FRS3: variants seen among roughly 807,000 people sequenced by gnomAD.
FRS3 encodes FGFR substrate 3.
Under a neutral mutation model 41.9 loss-of-function variants are expected in FRS3, and 17 were observed. That is an observed-to-expected ratio of 0.41 (90% CI 0.28 to 0.61). The LOEUF is 0.61. FRS3 is among the 20% of genes least tolerant of loss of function. The probability of loss-of-function intolerance (pLI) is 0.36; values close to 1 mark genes in which losing one functional copy is unlikely to be tolerated. For missense variants in FRS3, 619 were observed against 672.1 expected (o/e 0.92, Z 0.87); for synonymous variants, 287 against 274.5 (o/e 1.05, Z -0.45).
Position 41,776,897 on chromosome 6 carries a change from C to T in FRS3, c.66+25G>A, listed in dbSNP as rs200104978. 1.2e-4 allele frequency: 199 copies of T among 1,595,384 alleles called. 2 individuals carry two copies. In the African/African-American group the frequency reaches 2.4e-3, roughly 19 times the overall value. On this transcript the variant is annotated intron_variant, in intron 3 of 6. Transcript: ENST00000373018. ...AGCCCAAGAGGCCATGTTGGGAACACAGGAGAGGAGAGGGCTCTGGGTACC... is the reference window on the plus strand; with the variant it reads ...AGCCCAAGAGGCCATGTTGGGAACATAGGAGAGGAGAGGGCTCTGGGTACC...
At chr6:41,773,948 ATTC>A (rs970461613) in intron 4 of FRS3, among the ~76,000 whole-genome samples, 2 of 151,848 alleles carry the variant, frequency 1.3e-5, no homozygotes, top group African/African-American at 4.8e-5. Context: ...ATGAGTGAAC[ATTC>A]TTCTTTTATT....
intron 2 of FRS3, chr6:41,777,444 C>T (rs1772435539): frequency 6.3e-6 from 1 of 158,370 alleles, no homozygotes; most frequent in Non-Finnish European, 1.4e-5. Context: ...GGGTCTCAGA[C>T]ACTTTGGCCT....
intron 4 of FRS3, among the ~76,000 whole-genome samples, chr6:41,773,485 C>T (rs1006156939): frequency 1.3e-5 from 2 of 152,204 alleles, no homozygotes. Context: ...CCAGCACGCC[C>T]ACACCACATT....
intron 3 of FRS3, chr6:41,776,277 T>A (rs9394830): frequency 0.4 from 61,657 of 152,298 alleles, 13,283 homozygotes; most frequent in East Asian, 0.49. Flanking sequence ...TTATTTATTT[T>A]TTGAGATGGC....
At chr6:41,778,251 A>C (rs3804281) in intron 1 of FRS3, 75 bp from the exon 2 acceptor site, 1 of 152,072 alleles carries the variant, frequency 6.6e-6, no homozygotes, top group Non-Finnish European at 1.5e-5. Context: ...AAACTGACCT[A>C]ACAGTCCATC....
In FRS3 at chr6:41,770,990, G is replaced by C; in HGVS notation, c.1108C>G (p.Leu370Val). Residue 370 changes from leucine (L) to valine (V), a missense_variant, in exon 7 of 7, where the codon CTG becomes GTG. Leu to Val is a conservative substitution (Grantham distance 32). This residue lies in a region of FRS3 where 487 missense variants were observed against 478.3 expected (regional missense o/e 1.02). Transcript: ENST00000373018. ...GCCCGGGTGCTGGTGGGCTTCTGCA[G>C]TGGGGTCTCGTCCTCCTCACCATCA... ...FPDGEEDETP[L>V]QKPTSTRAAI... 1 of 1,613,048 alleles carries C rather than the reference G, an allele frequency of 6.2e-7. No individual in the cohort carries two copies. Among genetic ancestry groups the C allele is most frequent in the East Asian group, 2.2e-5 (1 of 44,854 alleles).
In FRS3 at chr6:41,775,523, T is replaced by C. The variant is rs372090161; in HGVS notation, c.149A>G (p.His50Arg). 2 of 1,614,000 alleles carry C rather than the reference T, an allele frequency of 1.2e-6. No homozygotes were observed. Among genetic ancestry groups the C allele is most frequent in the Middle Eastern group, 1.6e-4 (1 of 6,062 alleles). ...AGGCCAGCGGACGGCCTCACGCCGA[T>C]GCAGGTGCAGCACCAGCTCACTCTG... is the stretch of plus-strand genomic sequence containing the variant. ...LTQSELVLHLHRREAVRWPYL... is the reference protein window; with the variant it reads ...LTQSELVLHLRRREAVRWPYL... The change falls in exon 4 of 7, where the codon CAT becomes CGT. Residue 50 changes from histidine (H) to arginine (R), a missense_variant. Around this residue, in one of 3 missense-constraint regions of FRS3, gnomAD observed 100 missense variants for 138.1 expected, o/e 0.72. Transcript: ENST00000373018.
At chr6:41,775,190 G>C (rs1772383624) in intron 4 of FRS3, among the ~76,000 whole-genome samples, 1 of 152,178 alleles carries the variant, frequency 6.6e-6, no homozygotes, top group African/African-American at 2.4e-5. Flanking sequence ...GATCCTAAGA[G>C]ATAAACTCAG....
intron 5 of FRS3, 147 bp downstream of exon 5, chr6:41,772,651 T>G: frequency 2.3e-6 from 2 of 880,492 alleles, no homozygotes; most frequent in Non-Finnish European, 3.4e-6. Flanking sequence ...TCAAGAATGG[T>G]TCTGATCATG....
rs749028496 is a variant in FRS3 at position 41,770,840 on chromosome 6, C to A, written c.1258G>T (p.Val420Leu). ...TCTCCACCCCAGCCCTTTAGCTCCACCTGGATGTAGTTAAGCTGCCTTGGG... is the reference window on the plus strand; with the variant it reads ...TCTCCACCCCAGCCCTTTAGCTCCAACTGGATGTAGTTAAGCTGCCTTGGG... ...EPPRQLNYIQ[V>L]ELKGWGGDRP... The change falls in exon 7 of 7, where the codon GTG (valine) becomes TTG (leucine). Residue 420 changes from valine to leucine, a missense_variant. By Grantham distance (32) the Val-to-Leu change is conservative. Coordinates refer to ENST00000373018, the MANE Select transcript of FRS3 (RefSeq NM_006653.5). The A allele has an allele frequency of 1.9e-6, 3 of 1,610,220 alleles. No homozygotes were observed. The highest frequency in any genetic ancestry group is 1.7e-5 in the Admixed American group (1 of 60,024).
chr6:41,773,552 T>G (rs1772348364), intron 4 of FRS3, among the ~76,000 whole-genome samples: 1 of 151,910 alleles, frequency 6.6e-6, no homozygotes, highest in African/African-American at 2.4e-5. Context: ...ATGTGTGTGT[T>G]CAGGGGTCAC....
In FRS3 at chr6:41,770,872, G is replaced by C; in HGVS notation, c.1226C>G (p.Pro409Arg). Residue 409 changes from proline to arginine, a missense_variant, in exon 7 of 7, where the codon CCC becomes CGC. Pro to Arg is a moderately radical substitution (Grantham distance 103). Transcript: ENST00000373018. Reference sequence around the variant, plus strand: ...GTAGTTAAGCTGCCTTGGGGGCTCGGGCCCCGGCCGGCGGAAATCAAAGTT... The same window carrying C: ...GTAGTTAAGCTGCCTTGGGGGCTCGCGCCCCGGCCGGCGGAAATCAAAGTT... ...VFNFDFRRPGPEPPRQLNYIQ... is the reference protein window; with the variant it reads ...VFNFDFRRPGREPPRQLNYIQ... 1 of 1,609,320 alleles carries C rather than the reference G, an allele frequency of 6.2e-7. No individual in the cohort carries two copies. The highest frequency in any genetic ancestry group is 8.5e-7 in the Non-Finnish European group (1 of 1,179,922).
chr6:41,776,706 A>G (rs1055961992), intron 3 of FRS3: 2 of 512,242 alleles, frequency 3.9e-6, no homozygotes, highest in Admixed American at 3.4e-5. Flanking sequence ...GCATTTCTTC[A>G]TTCTTGGTAG....
chr6:41,775,521 G>A lies in FRS3; in HGVS notation c.151C>T (p.Arg51Trp). Residue 51 changes from arginine to tryptophan, a missense_variant, in exon 4 of 7, where the codon CGG becomes TGG. Transcript: ENST00000373018. ...TQSELVLHLH[R>W]REAVRWPYLC... The stretch of plus-strand genomic sequence containing the variant: ...TAAGGCCAGCGGACGGCCTCACGCC[G>A]ATGCAGGTGCAGCACCAGCTCACTC... The A allele has an allele frequency of 2.5e-6, 4 of 1,613,980 alleles. No homozygotes were observed. Among genetic ancestry groups the A allele is most frequent in the Non-Finnish European group, 3.4e-6 (4 of 1,179,924 alleles).
At position 41,770,268 on chromosome 6, in the gene FRS3, G is replaced by A. The variant is rs1772249961; in HGVS notation, c.*351C>T. 4.2e-6 allele frequency: 1 copy of A among 240,088 alleles called. No homozygotes were observed. The allele number at this position is 240,088 out of a possible 1,614,324, so 14.9% of individuals were successfully genotyped here. On this transcript the variant is annotated 3_prime_UTR_variant, in exon 7 of 7. Transcript: ENST00000373018. ...ATAAACTGATAAATAAAATCAACAG[G>A]TACAAAATGTTTCAAAATTCCAACC...
rs1772247857 is a variant in FRS3, at chr6:41,770,179, A to G, written c.*440T>C. ...AAGAAGATGATATCCACTGGGCCAG[A>G]ATTTAAAAATAATTATATTAATAAT... On this transcript the variant is annotated 3_prime_UTR_variant, in exon 7 of 7. Transcript: ENST00000373018. 6.6e-6 allele frequency: 1 copy of G among 152,270 alleles called. No homozygotes were observed. Among genetic ancestry groups the G allele is most frequent in the African/African-American group, 2.4e-5 (1 of 41,442 alleles). The allele number at this position is 152,270 out of a possible 1,614,324, so 9.4% of individuals were successfully genotyped here. A position where few individuals can be genotyped will look rare whatever the true frequency, so the allele number is the denominator to read the frequency against.
chr6:41,773,047 C>T, intron 4 of FRS3, 88 bp from the exon 5 acceptor site: 1 of 1,058,074 alleles, frequency 9.5e-7, no homozygotes, highest in Non-Finnish European at 1.4e-6. Flanking sequence ...AAATGTCCCT[C>T]AACTCCAGTC....
In FRS3 at chr6:41,771,110, G is replaced by T. The variant is rs773006648; in HGVS notation, c.988C>A (p.Pro330Thr). The T allele has an allele frequency of 1.8e-5, 28 of 1,580,970 alleles. No individual in the cohort carries two copies. Among genetic ancestry groups the T allele is most frequent in the South Asian group, 1.6e-4 (14 of 85,352 alleles). Residue 330 changes from proline to threonine, a missense_variant, in exon 7 of 7, where the codon CCT (proline) becomes ACT (threonine). This residue lies in a region of FRS3 where 487 missense variants were observed against 478.3 expected (regional missense o/e 1.02). Coordinates refer to ENST00000373018, the MANE Select transcript of FRS3 (RefSeq NM_006653.5). ...LHYENLPPLPPVWESQAQQLG... is the reference protein window; with the variant it reads ...LHYENLPPLPTVWESQAQQLG... ...TGCTGGGCTTGGCTTTCCCACACAG[G>T]GGGCAGTGGGGGCAGGTTCTCATAG...
chr6:41,771,217 A>G lies in FRS3; in HGVS notation c.881T>C (p.Leu294Pro). The G allele has an allele frequency of 6.4e-7, 1 of 1,568,540 alleles. No homozygotes were observed. Among genetic ancestry groups the G allele is most frequent in the Non-Finnish European group, 8.7e-7 (1 of 1,153,838 alleles). The change falls in exon 7 of 7, where the codon CTG becomes CCG. Residue 294 changes from leucine (L) to proline (P), a missense_variant. Physicochemically the swap from Leu to Pro is moderately conservative, Grantham distance 98. Coordinates refer to ENST00000373018, the MANE Select transcript of FRS3 (RefSeq NM_006653.5). ...CAGTCTCCAGCCAGCCCCTCGCCAC[A>G]GCCCCCCGGTGACGTTCTCGTAGGT... ...KCTYENVTGGLWRGAGWRLSP... is the reference protein window; with the variant it reads ...KCTYENVTGGPWRGAGWRLSP...
Sources: allele counts gnomAD v4.1 joint callset (sites outside exome capture counted in the v4.1 genomes callset), GRCh38; gene constraint gnomAD v4.1.1; regional missense constraint gnomAD v4.1.1; transcripts MANE v1.5; gene names NCBI Gene and HGNC (gene_info 2026-07-23, HGNC 2026-07-21).